CCNY: variants seen among roughly 807,000 people sequenced by gnomAD.
The protein encoded by CCNY is cyclin-Y.
Under a neutral mutation model 42.8 loss-of-function variants are expected in CCNY, and 19 were observed. That is an observed-to-expected ratio of 0.44 (90% confidence interval 0.31 to 0.65). The LOEUF is 0.65. CCNY is among the 30% of genes least tolerant of loss of function. The pLI, the probability that CCNY is intolerant of heterozygous loss-of-function variation, is 0.07. For synonymous variants in CCNY, 165 were observed against 162.7 expected, an observed-to-expected ratio of 1.01 and a Z score of -0.11; for missense variants, 370 against 437.3, an observed-to-expected ratio of 0.85 and a Z score of 1.37.
At chr10:35,382,618 G>A (rs1837212811) in intron 1 of CCNY, among the ~76,000 whole-genome samples, 1 of 152,034 alleles carries the variant, frequency 6.6e-6, no homozygotes, top group African/African-American at 2.4e-5. Flanking sequence ...CTGTCCTGTG[G>A]TACACAGGAC....
chr10:35,407,147 C>T (rs184273297), intron 1 of CCNY, among the ~76,000 whole-genome samples: 1 of 152,270 alleles, frequency 6.6e-6, no homozygotes, highest in African/African-American at 2.4e-5. Flanking sequence ...ATGCCTTTAG[C>T]TCCAGCCACC....
At chr10:35,449,132 C>T (rs1838856906) in intron 1 of CCNY, among the ~76,000 whole-genome samples, 1 of 151,778 alleles carries the variant, frequency 6.6e-6, no homozygotes, top group Admixed American at 6.6e-5. Flanking sequence ...TCAGTGGAGT[C>T]AGTGCTGGAG....
In CCNY at chr10:35,505,150, GA is replaced by G. The variant is rs954442030; in HGVS notation, c.264+3626del. 7.7e-3 allele frequency among the ~76,000 whole-genome samples: 1,079 copies of G among 140,130 alleles called. 12 individuals are homozygous for G. Among genetic ancestry groups the G allele is most frequent in the African/African-American group, 0.026 (983 of 38,380 alleles). 91.9% of individuals were successfully genotyped at this position (140,130 alleles called of 152,430 possible). A position where few individuals can be genotyped will look rare whatever the true frequency, so the allele number is the denominator to read the frequency against. On this transcript the variant is annotated intron_variant, in intron 3 of 9. Transcript: ENST00000374704. ...GTGGTTGGAGTTAAGAATCACTCCT[GA>G]AAAAAAAAAATCACTCCTGAAACTC...
chr10:35,569,737 T>C lies in CCNY; in HGVS notation c.*567T>C, dbSNP rs1043583. The C allele has an allele frequency of 0.38, 58,983 of 154,630 alleles. 11,833 individuals carry two copies. Among genetic ancestry groups the C allele is most frequent in the African/African-American group, 0.51 (21,021 of 41,466 alleles). The allele number at this position is 154,630 out of a possible 1,614,324, so 9.6% of individuals were successfully genotyped here. A position where few individuals can be genotyped will look rare whatever the true frequency, so the allele number is the denominator to read the frequency against. Reference sequence around the variant, plus strand: ...ATAAATAGTACTGGTCATTTCTCTCTGCACTATTTCTGCGCGCTGTCTTCT... The same window carrying C: ...ATAAATAGTACTGGTCATTTCTCTCCGCACTATTTCTGCGCGCTGTCTTCT... On this transcript the variant is annotated 3_prime_UTR_variant, in exon 10 of 10. Coordinates refer to ENST00000374704, the MANE Select transcript of CCNY (RefSeq NM_145012.6).
intron 1 of CCNY, among the ~76,000 whole-genome samples, chr10:35,369,554 A>C (rs557362518): frequency 2.6e-5 from 4 of 152,208 alleles, no homozygotes; most frequent in Non-Finnish European, 5.9e-5. Context: ...TTCTTGGCTT[A>C]ATATATCCTT....
chr10:35,262,937 G>T (rs80011920), intron 3 of CCNY, among the ~76,000 whole-genome samples: 5 of 151,750 alleles, frequency 3.3e-5, no homozygotes, highest in Non-Finnish European at 5.9e-5. Context: ...AAAAAAAAAG[G>T]TCACGTGTGG....
chr10:35,561,860 C>T (rs993685666), intron 8 of CCNY, among the ~76,000 whole-genome samples: 8 of 152,176 alleles, frequency 5.3e-5, no homozygotes, highest in African/African-American at 1.9e-4. Context: ...CTGAGACTTG[C>T]AGGCAGAATA....
intron 3 of CCNY, among the ~76,000 whole-genome samples, chr10:35,309,954 C>T (rs1835663228): frequency 6.6e-6 from 1 of 152,116 alleles, no homozygotes; most frequent in African/African-American, 2.4e-5. Flanking sequence ...ACGCCCGCCA[C>T]CATGCCCAGC....
intron 3 of CCNY, among the ~76,000 whole-genome samples, chr10:35,292,459 G>A (rs1014779606): frequency 1.3e-5 from 2 of 152,156 alleles, no homozygotes; most frequent in African/African-American, 4.8e-5. Context: ...CACCTCCTGG[G>A]TTCAAGCAAT....
At chr10:35,430,424 AT>A (rs557001034) in intron 1 of CCNY, among the ~76,000 whole-genome samples, 1 of 151,122 alleles carries the variant, frequency 6.6e-6, no homozygotes, top group Non-Finnish European at 1.5e-5. Flanking sequence ...TTTCATGGTA[AT>A]TTTTTTTAAA....
intron 4 of CCNY, among the ~76,000 whole-genome samples, chr10:35,519,771 C>CTTTTCTTTTTTTTTTT (rs1840507063): frequency 1.9e-5 from 2 of 103,466 alleles, no homozygotes; most frequent in Admixed American, 9.8e-5. Context: ...TTTTTCTTTT[C>CTTTTCTTTTTTTTTTT]TTTTCTTTTT....
chr10:35,562,185 C>G (rs1564459362), intron 8 of CCNY, among the ~76,000 whole-genome samples: 1 of 152,100 alleles, frequency 6.6e-6, no homozygotes, highest in East Asian at 1.9e-4. Flanking sequence ...GTAGACAAAT[C>G]CAAATAAGGA....
chr10:35,313,474 C>T (rs1230374466), intron 3 of CCNY, among the ~76,000 whole-genome samples: 1 of 152,170 alleles, frequency 6.6e-6, no homozygotes. Context: ...CTGTTTCAGG[C>T]TCTCTGCAAC....
chr10:35,379,115 G>A (rs1837119730), intron 1 of CCNY, among the ~76,000 whole-genome samples: 2 of 152,190 alleles, frequency 1.3e-5, no homozygotes, highest in Admixed American at 1.3e-4. Flanking sequence ...TCAGCCTGAT[G>A]AGACCTCACG....
At chr10:35,389,391 C>T (rs925811618) in intron 1 of CCNY, among the ~76,000 whole-genome samples, 15 of 151,162 alleles carry the variant, frequency 9.9e-5, no homozygotes, top group Admixed American at 7.9e-4. Context: ...GGAACTCTTT[C>T]AACTCCCTGA....
intron 1 of CCNY, among the ~76,000 whole-genome samples, chr10:35,424,926 G>A (rs577212418): frequency 1.3e-5 from 2 of 152,200 alleles, no homozygotes; most frequent in Admixed American, 1.3e-4. Flanking sequence ...AGATGTAAGG[G>A]GTGGCACTGG....
chr10:35,267,427 C>T (rs1188660926), intron 3 of CCNY, among the ~76,000 whole-genome samples: 2 of 152,130 alleles, frequency 1.3e-5, no homozygotes, highest in East Asian at 3.8e-4. Flanking sequence ...TGCTCAAACA[C>T]TCTGGGGCTG....
At chr10:35,395,855 G>T (rs1240463758) in intron 1 of CCNY, among the ~76,000 whole-genome samples, 4 of 152,194 alleles carry the variant, frequency 2.6e-5, no homozygotes, top group Non-Finnish European at 5.9e-5. Flanking sequence ...TGGGTTTAGG[G>T]CTGGGCCTCT....
chr10:35,553,478 G>A (rs969096052), intron 8 of CCNY, among the ~76,000 whole-genome samples: 3 of 152,212 alleles, frequency 2.0e-5, no homozygotes, highest in Non-Finnish European at 2.9e-5. Flanking sequence ...GTGTGGTCCA[G>A]CACTGATAGC....
Sources: allele counts gnomAD v4.1 joint callset (sites outside exome capture counted in the v4.1 genomes callset), GRCh38; gene constraint gnomAD v4.1.1; transcripts MANE v1.5; gene names NCBI Gene and HGNC (gene_info 2026-07-23, HGNC 2026-07-21).